Variants in CSGALNACT2 observed in about 807,000 individuals in gnomAD.
CSGALNACT2 encodes chondroitin sulfate N-acetylgalactosaminyltransferase 2, also known as beta 4 GalNAcT-2.
A neutral mutation model predicts 55.3 loss-of-function variants in CSGALNACT2; 35 were observed. The observed-to-expected ratio is 0.63, with a 90% CI of 0.48 to 0.84. The LOEUF (loss-of-function observed/expected upper bound fraction) is 0.84. Ranked by LOEUF, CSGALNACT2 falls within the 40% of genes least tolerant of loss-of-function variation. CSGALNACT2 has a pLI of 0.00. For missense variants in CSGALNACT2, 544 were observed against 657.5 expected (o/e 0.83, Z 1.89); for synonymous variants, 196 against 224.9 (o/e 0.87, Z 1.15).
chr10:43,145,335 C>T (rs1342240866), intron 1 of CSGALNACT2, among the ~76,000 whole-genome samples: 1 of 151,400 alleles, frequency 6.6e-6, no homozygotes, highest in African/African-American at 2.4e-5. Context: ...TTGTTTAGTC[C>T]ATCCTATTGG....
intron 1 of CSGALNACT2, among the ~76,000 whole-genome samples, chr10:43,143,891 TACAG>T (rs1742382654): frequency 6.6e-6 from 1 of 152,210 alleles, no homozygotes; most frequent in South Asian, 2.1e-4. Context: ...GATCAGTACT[TACAG>T]ACCACTTATT....
At position 43,163,991 on chromosome 10, in the gene CSGALNACT2, A is replaced by G. The variant is rs1839206995; in HGVS notation, c.1106A>G (p.Asp369Gly). Reference sequence around the variant, plus strand: ...GTCTTGATGTTTTTCTGTGATGTTGATATCTATTTCTCAGCCGAATTCCTT... The same window carrying G: ...GTCTTGATGTTTTTCTGTGATGTTGGTATCTATTTCTCAGCCGAATTCCTT... ...GEVLMFFCDV[D>G]IYFSAEFLNS... Residue 369 changes from aspartate to glycine, a missense_variant, in exon 5 of 8, where the codon GAT (aspartate) becomes GGT (glycine). Coordinates refer to ENST00000374466, the MANE Select transcript of CSGALNACT2 (RefSeq NM_018590.5). 1.9e-6 allele frequency: 3 copies of G among 1,614,064 alleles called. No individual in the cohort carries two copies. The highest frequency in any genetic ancestry group is 2.5e-6 in the Non-Finnish European group (3 of 1,179,976).
chr10:43,159,333 C>G (rs1330487102), intron 3 of CSGALNACT2, among the ~76,000 whole-genome samples: 2 of 151,502 alleles, frequency 1.3e-5, no homozygotes, highest in Non-Finnish European at 2.9e-5. Context: ...GGGTCTCACT[C>G]TATCACCCAG....
chr10:43,145,962 T>C (rs987203427), intron 1 of CSGALNACT2, among the ~76,000 whole-genome samples: 1 of 152,206 alleles, frequency 6.6e-6, no homozygotes, highest in Admixed American at 6.5e-5. Flanking sequence ...ACTCACTTAT[T>C]AAGAAACTTG....
At position 43,155,528 on chromosome 10, in the gene CSGALNACT2, CA is replaced by C; in HGVS notation, c.382del (p.Ile128LeufsTer8). Reference sequence around the variant, plus strand: ...TGATCTTTTAGAGTTTCTTCATTCCCAAATTGACAAAGCTGAAGTTAGCATA... The same window carrying C: ...TGATCTTTTAGAGTTTCTTCATTCCCAATTGACAAAGCTGAAGTTAGCATA... The part of the protein sequence containing the change: ...PSDLLEFLHS[Q>X]IDKAEVSIGA... On this transcript the variant is annotated frameshift_variant, in exon 2 of 8. Coordinates refer to ENST00000374466, the MANE Select transcript of CSGALNACT2 (RefSeq NM_018590.5). LOFTEE classifies it high-confidence loss of function. The C allele has an allele frequency of 6.2e-7, 1 of 1,614,152 alleles. No homozygotes were observed. Among genetic ancestry groups the C allele is most frequent in the Non-Finnish European group, 8.5e-7 (1 of 1,180,024 alleles).
intron 7 of CSGALNACT2, among the ~76,000 whole-genome samples, chr10:43,182,653 C>T (rs558984433): frequency 3.9e-4 from 59 of 150,990 alleles, no homozygotes; most frequent in Middle Eastern, 3.4e-3. Context: ...GCCAAGTGGG[C>T]GGAACACTTG....
At chr10:43,183,196 T>G in intron 7 of CSGALNACT2, 54 bp from the exon 8 acceptor site, 1 of 1,340,900 alleles carries the variant, frequency 7.5e-7, no homozygotes, top group Non-Finnish European at 1.1e-6. Context: ...TATATATCCC[T>G]GTGCTCTGGC....
rs1588919225 is a variant in CSGALNACT2, at chr10:43,183,836, G to A, written c.*294G>A. ...CCTGGTGCCCATGTTCTGATTGTGTGTGGGATTGCATGGTGTCCTGATTGC... is the reference window on the plus strand; with the variant it reads ...CCTGGTGCCCATGTTCTGATTGTGTATGGGATTGCATGGTGTCCTGATTGC... On this transcript the variant is annotated 3_prime_UTR_variant, in exon 8 of 8. Coordinates refer to ENST00000374466, the MANE Select transcript of CSGALNACT2 (RefSeq NM_018590.5). The A allele has an allele frequency of 5.0e-6, 2 of 402,476 alleles. No homozygotes were observed. The highest frequency in any genetic ancestry group is 4.8e-5 in the South Asian group (2 of 42,022). 24.9% of individuals were successfully genotyped at this position (402,476 alleles called of 1,614,324 possible). A position where few individuals can be genotyped will look rare whatever the true frequency, so the allele number is the denominator to read the frequency against.
At chr10:43,153,886 G>GT (rs745831709) in intron 1 of CSGALNACT2, among the ~76,000 whole-genome samples, 1 of 152,148 alleles carries the variant, frequency 6.6e-6, no homozygotes, top group Non-Finnish European at 1.5e-5. Flanking sequence ...AATTCTTCAT[G>GT]TTTTTTCTTT....
intron 1 of CSGALNACT2, among the ~76,000 whole-genome samples, chr10:43,152,675 G>C (rs990174031): frequency 1.3e-5 from 2 of 152,010 alleles, no homozygotes; most frequent in Non-Finnish European, 2.9e-5. Flanking sequence ...AAACATATGA[G>C]GTACCATATT....
In CSGALNACT2 at chr10:43,155,316, A is replaced by G; in HGVS notation, c.167A>G (p.Tyr56Cys). 1.2e-6 allele frequency: 2 copies of G among 1,614,182 alleles called. No homozygotes were observed. The highest frequency in any genetic ancestry group is 1.7e-6 in the Non-Finnish European group (2 of 1,180,042). ...GTTGGGGAAAATTATGGTAAAGAGTATTATCAAGCCCTCCTACAGGAACAA... is the reference window on the plus strand; with the variant it reads ...GTTGGGGAAAATTATGGTAAAGAGTGTTATCAAGCCCTCCTACAGGAACAA... Reference protein sequence around the residue: ...GVVGENYGKEYYQALLQEQEE... With the variant: ...GVVGENYGKECYQALLQEQEE... Residue 56 changes from tyrosine to cysteine, a missense_variant, in exon 2 of 8, where the codon TAT (tyrosine) becomes TGT (cysteine). Coordinates refer to ENST00000374466, the MANE Select transcript of CSGALNACT2 (RefSeq NM_018590.5).
intron 6 of CSGALNACT2, among the ~76,000 whole-genome samples, chr10:43,174,263 T>A (rs1209106165): frequency 6.6e-6 from 1 of 152,116 alleles, no homozygotes; most frequent in East Asian, 1.9e-4. Flanking sequence ...CAATCTGAGC[T>A]GAGCCCTCAG....
chr10:43,177,458 A>G (rs762274044), intron 7 of CSGALNACT2, among the ~76,000 whole-genome samples: 26 of 152,252 alleles, frequency 1.7e-4, no homozygotes, highest in Non-Finnish European at 2.8e-4. Flanking sequence ...TTAGGCATCT[A>G]CTGGTCTACT....
chr10:43,158,800 C>T lies in CSGALNACT2; in HGVS notation c.747C>T (p.Thr249=), dbSNP rs541502622. The T allele has an allele frequency of 6.2e-7, 1 of 1,610,754 alleles. No homozygotes were observed. The highest frequency in any genetic ancestry group is 8.5e-7 in the Non-Finnish European group (1 of 1,177,266). Residue 249 remains threonine, a synonymous_variant, in exon 3 of 8, where the codon ACC becomes ACT. Coordinates refer to ENST00000374466, the MANE Select transcript of CSGALNACT2 (RefSeq NM_018590.5). Reference sequence around the variant, plus strand: ...ACCTTACGGAATATAGACATGTGACCCTCTTCCGCCCTTTTGGACCTCTCA... The same window carrying T: ...ACCTTACGGAATATAGACATGTGACTCTCTTCCGCCCTTTTGGACCTCTCA... ...KADLTEYRHV[T]LFRPFGPLMK... is the part of the protein sequence containing the mutation.
intron 7 of CSGALNACT2, among the ~76,000 whole-genome samples, chr10:43,179,080 A>G (rs1044078494): frequency 2.0e-5 from 3 of 152,028 alleles, no homozygotes; most frequent in African/African-American, 4.8e-5. Flanking sequence ...TGATATATAT[A>G]TAATTTCTTT....
chr10:43,160,613 G>T lies in CSGALNACT2; in HGVS notation c.980+18G>T. 9.8e-7 allele frequency: 1 copy of T among 1,019,644 alleles called. No homozygotes were observed. The highest frequency in any genetic ancestry group is 1.6e-6 in the Non-Finnish European group (1 of 639,174). 63.2% of individuals were successfully genotyped at this position (1,019,644 alleles called of 1,614,324 possible). The stretch of plus-strand genomic sequence containing the variant: ...GTCACCAGGTTGGTGAACCACATCT[G>T]CAGTGAAGGCCTTGATATATAACAT... On this transcript the variant is annotated intron_variant, in intron 4 of 7. Coordinates refer to ENST00000374466, the MANE Select transcript of CSGALNACT2 (RefSeq NM_018590.5).
intron 4 of CSGALNACT2, 151 bp from the exon 5 acceptor site, chr10:43,163,715 A>G (rs1214854029): frequency 5.9e-6 from 8 of 1,349,758 alleles, no homozygotes; most frequent in Non-Finnish European, 5.7e-6. Context: ...AATCATACAC[A>G]TGAAGCTGGG....
chr10:43,170,353 A>C (rs1020016979), intron 6 of CSGALNACT2, among the ~76,000 whole-genome samples: 4 of 152,176 alleles, frequency 2.6e-5, no homozygotes, highest in African/African-American at 9.7e-5. Context: ...GGGCAGGGGC[A>C]AAAAATATAC....
chr10:43,141,975 C>G (rs1838637946), intron 1 of CSGALNACT2, among the ~76,000 whole-genome samples: 1 of 152,152 alleles, frequency 6.6e-6, no homozygotes, highest in Non-Finnish European at 1.5e-5. Flanking sequence ...TGACTGTTCC[C>G]CACTCTTCTT....
Sources: allele counts gnomAD v4.1 joint callset (sites outside exome capture counted in the v4.1 genomes callset), GRCh38; gene constraint gnomAD v4.1.1; transcripts MANE v1.5; gene names NCBI Gene and HGNC (gene_info 2026-07-23, HGNC 2026-07-21).